MCF2L2: variants seen among roughly 807,000 people sequenced by gnomAD.
The protein encoded by MCF2L2 is MCF.2 cell line derived transforming sequence-like 2, also known as probable guanine nucleotide exchange factor MCF2L2.
In MCF2L2, 102 loss-of-function variants were observed where a neutral mutation model predicts 150.2. The observed-to-expected ratio is 0.68, with a 90% CI of 0.58 to 0.80. The LOEUF (loss-of-function observed/expected upper bound fraction) is 0.80. Ranked by LOEUF, MCF2L2 falls within the 30% of genes least tolerant of loss-of-function variation. The pLI is 0.00. For missense variants in MCF2L2, 1,256 were observed against 1,372.8 expected (o/e 0.91, Z 1.34); for synonymous variants, 465 against 491.3 (o/e 0.95, Z 0.71).
At chr3:183,379,454 C>G in intron 2 of MCF2L2, 43 bp from the exon 3 acceptor site, 1 of 1,353,982 alleles carries the variant, frequency 7.4e-7, no homozygotes, top group Non-Finnish European at 1.0e-6. Flanking sequence ...AAAATGTTGT[C>G]CTGTCACACC....
intron 15 of MCF2L2, among the ~76,000 whole-genome samples, chr3:183,264,758 TG>T (rs1725936412): frequency 6.6e-6 from 1 of 152,230 alleles, no homozygotes; most frequent in Non-Finnish European, 1.5e-5. Context: ...CAGGGATTAT[TG>T]CAGGGAAACT....
chr3:183,366,544 C>T (rs563695268), intron 3 of MCF2L2, among the ~76,000 whole-genome samples: 19 of 152,282 alleles, frequency 1.2e-4, no homozygotes, highest in African/African-American at 4.3e-4. Context: ...ACGCGAGAGG[C>T]TGAGGCAGGA....
chr3:183,282,154 TTTATTA>T lies in MCF2L2; in HGVS notation c.1777-5203_1777-5198del, dbSNP rs967386832. 5.3e-5 allele frequency among the ~76,000 whole-genome samples: 8 copies of T among 151,312 alleles called. 1 individual carries two copies. Among genetic ancestry groups the T allele is most frequent in the African/African-American group, 1.9e-4 (8 of 41,294 alleles). On this transcript the variant is annotated intron_variant, in intron 14 of 29. Transcript: ENST00000328913. ...AATTTACTTACTGGTTAAATTGGCT[TTTATTA>T]TTATTATTATTTATTTTATTTTATT... is the stretch of plus-strand genomic sequence containing the variant.
intron 1 of MCF2L2, among the ~76,000 whole-genome samples, chr3:183,424,949 G>C (rs1294365624): frequency 1.3e-5 from 2 of 152,150 alleles, no homozygotes; most frequent in Admixed American, 6.5e-5. Context: ...GATAAAGCTA[G>C]AACTTTATAG....
At chr3:183,414,139 G>A (rs182788661) in intron 1 of MCF2L2, among the ~76,000 whole-genome samples, 330 of 152,312 alleles carry the variant, frequency 2.2e-3, no homozygotes, top group Non-Finnish European at 3.8e-3. Flanking sequence ...GGAAGAGTTT[G>A]TGAACAATTG....
chr3:183,422,645 G>C (rs59296500), intron 1 of MCF2L2, among the ~76,000 whole-genome samples: 2 of 152,082 alleles, frequency 1.3e-5, no homozygotes, highest in African/African-American at 4.8e-5. Context: ...TCCTGGCAAG[G>C]GACTATATCC....
At chr3:183,196,711 G>A (rs372969604) in intron 25 of MCF2L2, among the ~76,000 whole-genome samples, 3 of 152,194 alleles carry the variant, frequency 2.0e-5, no homozygotes, top group Non-Finnish European at 4.4e-5. Flanking sequence ...CTGCGGATAA[G>A]TTATGTAAAA....
chr3:183,402,298 T>C (rs1384542334), intron 1 of MCF2L2, among the ~76,000 whole-genome samples: 2 of 149,960 alleles, frequency 1.3e-5, no homozygotes, highest in Admixed American at 6.7e-5. Context: ...AAAAAAAAAT[T>C]AGCCGGGCGT....
intron 21 of MCF2L2, among the ~76,000 whole-genome samples, chr3:183,216,552 T>TTATA (rs1302056111): frequency 0.015 from 507 of 33,042 alleles, 5 homozygotes; most frequent in African/African-American, 0.031. Context: ...AGTATATATA[T>TTATA]TATATATATA....
chr3:183,304,976 A>G (rs1282337596), intron 10 of MCF2L2, among the ~76,000 whole-genome samples: 4 of 152,224 alleles, frequency 2.6e-5, no homozygotes, highest in Non-Finnish European at 5.9e-5. Flanking sequence ...TGTAATGTTA[A>G]TAACAACAGC....
Position 183,311,026 on chromosome 3 carries a change from T to C in MCF2L2, c.882A>G (p.Leu294=). Residue 294 remains leucine, a synonymous_variant, in exon 9 of 30, where the codon TTA becomes TTG. Transcript: ENST00000328913. ...QLENVTTMER[L]LVQLDETEKA... is the part of the protein sequence containing the mutation. The stretch of plus-strand genomic sequence containing the variant: ...TTTCTGTTTCATCCAGTTGAACTAA[T>C]AACCTTTCAAGAAAGAATGAGAAAG... 2 of 1,592,144 alleles carry C rather than the reference T, an allele frequency of 1.3e-6. No individual in the cohort carries two copies. Among genetic ancestry groups the C allele is most frequent in the Non-Finnish European group, 1.7e-6 (2 of 1,160,082 alleles).
chr3:183,313,961 C>T (rs924697704), intron 7 of MCF2L2, among the ~76,000 whole-genome samples: 2 of 152,206 alleles, frequency 1.3e-5, no homozygotes, highest in Non-Finnish European at 2.9e-5. Context: ...AGCACTTGCT[C>T]GTACTCTCCT....
intron 15 of MCF2L2, among the ~76,000 whole-genome samples, chr3:183,259,455 G>A (rs1243797498): frequency 6.6e-6 from 1 of 152,094 alleles, no homozygotes; most frequent in African/African-American, 2.4e-5. Flanking sequence ...TGGATAACTG[G>A]TTTACATCTC....
rs770149430 is a variant in MCF2L2 at position 183,341,663 on chromosome 3, G to A, written c.276-33C>T. ...GAAGGGTGGTCAGTGTCAGAGATTA[G>A]GTGAGACCCATATGCTCCATGTGGC... On this transcript the variant is annotated intron_variant, in intron 3 of 29. Coordinates refer to ENST00000328913, the MANE Select transcript of MCF2L2 (RefSeq NM_015078.4). The A allele has an allele frequency of 1.2e-5, 18 of 1,468,404 alleles. No individual in the cohort carries two copies. In the South Asian group the frequency reaches 1.9e-4, roughly 16 times the overall value. The allele number at this position is 1,468,404 out of a possible 1,614,324, so 91.0% of individuals were successfully genotyped here.
intron 5 of MCF2L2, among the ~76,000 whole-genome samples, chr3:183,331,909 C>T (rs1730287132): frequency 6.6e-6 from 1 of 152,142 alleles, no homozygotes; most frequent in Admixed American, 6.6e-5. Flanking sequence ...GAAAGTACTT[C>T]CCCTCCATAG....
chr3:183,345,945 A>C (rs976223905), intron 3 of MCF2L2, among the ~76,000 whole-genome samples: 1 of 152,212 alleles, frequency 6.6e-6, no homozygotes. Context: ...ACCAACCAAA[A>C]AAAGCCCAGG....
intron 3 of MCF2L2, among the ~76,000 whole-genome samples, chr3:183,352,419 C>T (rs1711533679): frequency 6.6e-6 from 1 of 152,130 alleles, no homozygotes; most frequent in Admixed American, 6.6e-5. Flanking sequence ...GCTCCTCAGG[C>T]AGCTGAAGCA....
In MCF2L2 at chr3:183,332,150, AC is replaced by A. The variant is rs199510220; in HGVS notation, c.486+6649del. ...TAAAGAAGATAAACTGACAGTTTGAACTGTCATTGAGAAGGCAACACGTATT... is the reference window on the plus strand; with the variant it reads ...TAAAGAAGATAAACTGACAGTTTGAATGTCATTGAGAAGGCAACACGTATT... On this transcript the variant is annotated intron_variant, in intron 5 of 29. Transcript: ENST00000328913. Among the ~76,000 whole-genome samples the A allele has an allele frequency of 4.5e-4, 69 of 152,340 alleles. No individual in the cohort carries two copies. The East Asian group carries it at 0.013, about 28-fold the overall frequency.
intron 3 of MCF2L2, among the ~76,000 whole-genome samples, chr3:183,346,036 T>C (rs150885051): frequency 0.03 from 4,614 of 152,040 alleles, 242 homozygotes; most frequent in African/African-American, 0.1. Context: ...TTCCAAACAA[T>C]AGAAAAAGAG....
Sources: gnomAD v4.1 joint callset for allele counts (sites outside exome capture counted in the v4.1 genomes callset) on GRCh38, gnomAD v4.1.1 for gene constraint, MANE v1.5 for transcripts, NCBI Gene and HGNC (gene_info 2026-07-23, HGNC 2026-07-21) for gene names.